Variants in CCDC6 observed in about 807,000 individuals in gnomAD.
CCDC6 encodes the protein coiled-coil domain containing 6.
A neutral mutation model predicts 56.6 loss-of-function variants in CCDC6; 20 were observed. The ratio of observed to expected loss-of-function variants is 0.35; its 90% CI spans 0.25 to 0.51. CCDC6 has a LOEUF of 0.51. CCDC6 is among the 20% of genes least tolerant of loss of function. The pLI is 0.95. For missense variants in CCDC6, 367 were observed against 601.1 expected, an observed-to-expected ratio of 0.61 and a Z score of 4.07; for synonymous variants, 241 against 234.4, an observed-to-expected ratio of 1.03 and a Z score of -0.26.
chr10:59,794,651 T>C (rs1589031640), intron 7 of CCDC6, 54 bp from the exon 8 acceptor site: 2 of 1,549,364 alleles, frequency 1.3e-6, no homozygotes, highest in East Asian at 4.5e-5. Context: ...TCTGGTGTCT[T>C]CAACTATCTA....
chr10:59,870,586 T>TGGTGCGAC (rs78905744), intron 1 of CCDC6, among the ~76,000 whole-genome samples: 2 of 151,864 alleles, frequency 1.3e-5, no homozygotes, highest in African/African-American at 4.8e-5. Context: ...TCCTACAATC[T>TGGTGCGAC]AGAGGACCAC....
chr10:59,800,898 A>C (rs1281064810), intron 7 of CCDC6, among the ~76,000 whole-genome samples: 1 of 152,228 alleles, frequency 6.6e-6, no homozygotes, highest in Non-Finnish European at 1.5e-5. Flanking sequence ...GTATTAACAA[A>C]AGCCAAAATT....
intron 1 of CCDC6, among the ~76,000 whole-genome samples, chr10:59,899,417 T>C (rs986343052): frequency 6.6e-6 from 1 of 152,244 alleles, no homozygotes; most frequent in African/African-American, 2.4e-5. Context: ...CATTTTGAAG[T>C]GTAAACACAA....
intron 1 of CCDC6, among the ~76,000 whole-genome samples, chr10:59,853,048 G>T (rs74153037): frequency 7.4e-6 from 1 of 135,694 alleles, no homozygotes; most frequent in Non-Finnish European, 1.6e-5. Flanking sequence ...TGTAGCAGAC[G>T]GGTCCAGTCC....
chr10:59,824,206 T>A (rs906640348), intron 3 of CCDC6, among the ~76,000 whole-genome samples: 11 of 152,194 alleles, frequency 7.2e-5, no homozygotes, highest in Non-Finnish European at 1.6e-4. Context: ...TCCTTTTTCA[T>A]ATCCTACAGA....
Position 59,792,676 on chromosome 10 carries a change from G to GA in CCDC6, c.*240dup, listed in dbSNP as rs35505031. The GA allele has an allele frequency of 8.0e-6, 6 of 748,068 alleles. No individual in the cohort carries two copies. The highest frequency in any genetic ancestry group is 1.5e-5 in the Non-Finnish European group (6 of 407,632). The allele number at this position is 748,068 out of a possible 1,614,324, so 46.3% of individuals were successfully genotyped here. On this transcript the variant is annotated 3_prime_UTR_variant, in exon 9 of 9. Coordinates refer to ENST00000263102, the MANE Select transcript of CCDC6 (RefSeq NM_005436.5). ...CCAAACAGCGAAGGTTCCAGCCAGG[G>GA]AATGGACGTACATGAAGATTCAAGT...
intron 1 of CCDC6, among the ~76,000 whole-genome samples, chr10:59,889,005 G>T (rs187818238): frequency 1.3e-5 from 2 of 151,824 alleles, no homozygotes; most frequent in African/African-American, 4.8e-5. Flanking sequence ...TCCTCCCAGG[G>T]TATCAACATC....
chr10:59,886,663 C>T (rs1412906872), intron 1 of CCDC6, among the ~76,000 whole-genome samples: 1 of 152,156 alleles, frequency 6.6e-6, no homozygotes, highest in East Asian at 1.9e-4. Context: ...AAAATTTTCA[C>T]TGTGGCCAAA....
At chr10:59,902,254 C>A (rs2071508651) in intron 1 of CCDC6, among the ~76,000 whole-genome samples, 1 of 152,098 alleles carries the variant, frequency 6.6e-6, no homozygotes, top group Non-Finnish European at 1.5e-5. Flanking sequence ...CAGAAGAGAC[C>A]ATTGGTTAAG....
chr10:59,882,497 GGGGGGAGAAGGAAAGGAAAGCCA>G (rs1589060621), intron 1 of CCDC6, among the ~76,000 whole-genome samples: 2 of 31,562 alleles, frequency 6.3e-5, no homozygotes, highest in Admixed American at 6.3e-4. Flanking sequence ...AAGGAAAGCC[GGGGGGAGAAGGAAAGGAAAGCCA>G]GGGGGAGAAG....
At chr10:59,826,132 C>T (rs2070786287) in intron 3 of CCDC6, among the ~76,000 whole-genome samples, 2 of 152,096 alleles carry the variant, frequency 1.3e-5, no homozygotes, top group African/African-American at 2.4e-5. Context: ...AGCTATGTGG[C>T]TTCCTTCCAT....
At chr10:59,833,640 T>TG (rs58930739) in intron 2 of CCDC6, among the ~76,000 whole-genome samples, 1,963 of 34,228 alleles carry the variant, frequency 0.057, 121 homozygotes, top group Non-Finnish European at 0.1. Flanking sequence ...CACTCTCAAC[T>TG]GGGGGGGGGG....
At chr10:59,841,675 GTTTT>G (rs1554884674) in intron 2 of CCDC6, among the ~76,000 whole-genome samples, 1 of 138,666 alleles carries the variant, frequency 7.2e-6, no homozygotes, top group African/African-American at 2.6e-5. Flanking sequence ...TTTTTTGTTT[GTTTT>G]TTTTTTTTGA....
intron 7 of CCDC6, among the ~76,000 whole-genome samples, chr10:59,802,858 G>T (rs778689556): frequency 5.9e-5 from 9 of 151,982 alleles, no homozygotes; most frequent in Non-Finnish European, 8.8e-5. Flanking sequence ...TTAATCAATC[G>T]GAAATTACAT....
chr10:59,869,415 A>C (rs1404809960), intron 1 of CCDC6, among the ~76,000 whole-genome samples: 57 of 74,830 alleles, frequency 7.6e-4, no homozygotes, highest in Non-Finnish European at 1.3e-3. Context: ...AAAAAAAAAA[A>C]AAAACAGAAA....
At chr10:59,846,813 T>TA (rs2070996026) in intron 2 of CCDC6, among the ~76,000 whole-genome samples, 2 of 152,150 alleles carry the variant, frequency 1.3e-5, no homozygotes, top group South Asian at 4.1e-4. Context: ...AATCTATGGT[T>TA]AAAAAAACAG....
intron 1 of CCDC6, among the ~76,000 whole-genome samples, chr10:59,869,819 C>T (rs550225699): frequency 6.6e-6 from 1 of 152,284 alleles, no homozygotes; most frequent in South Asian, 2.1e-4. Flanking sequence ...CTCCCGTGGT[C>T]CAGCCTCTGC....
At chr10:59,861,243 A>G (rs1315610088) in intron 1 of CCDC6, among the ~76,000 whole-genome samples, 4 of 152,052 alleles carry the variant, frequency 2.6e-5, no homozygotes, top group Admixed American at 2.6e-4. Context: ...CTTGTAGTCC[A>G]CTTACTCAGC....
chr10:59,904,193 G>C (rs201331517), intron 1 of CCDC6, among the ~76,000 whole-genome samples: 5 of 149,196 alleles, frequency 3.4e-5, no homozygotes, highest in Non-Finnish European at 6.0e-5. Flanking sequence ...TGTCAGTGTA[G>C]TTAAGGGTAA....
Sources: gnomAD v4.1 joint callset for allele counts (sites outside exome capture counted in the v4.1 genomes callset) on GRCh38, gnomAD v4.1.1 for gene constraint, MANE v1.5 for transcripts, NCBI Gene and HGNC (gene_info 2026-07-23, HGNC 2026-07-21) for gene names.